NEXMIF: variants seen among roughly 807,000 people sequenced by gnomAD.
NEXMIF encodes the protein neurite extension and migration factor, also known as XLMR protein related to neurite extension.
A neutral mutation model predicts 62.1 loss-of-function variants in NEXMIF; 8 were observed. That is an observed-to-expected ratio of 0.13 (90% confidence interval 0.08 to 0.23). The LOEUF (loss-of-function observed/expected upper bound fraction) is 0.23, where lower values mean the gene tolerates loss of function less well. NEXMIF is among the 10% of genes least tolerant of loss of function. The pLI, the probability that NEXMIF is intolerant of heterozygous loss-of-function variation, is 1.00. For missense variants in NEXMIF, 976 were observed against 1,113.3 expected, an observed-to-expected ratio of 0.88 and a Z score of 1.75; for synonymous variants, 404 against 416.6, an observed-to-expected ratio of 0.97 and a Z score of 0.37.
intron 1 of NEXMIF, among the ~76,000 whole-genome samples, chrX:74,758,410 TA>T (rs1296936758): frequency 5.7e-4 from 63 of 110,388 alleles, no homozygotes; most frequent in African/African-American, 7.6e-4. Flanking sequence ...AAAACTGATT[TA>T]AAAAAAAACT....
chrX:74,806,988 A>G (rs772890405), intron 1 of NEXMIF, among the ~76,000 whole-genome samples: 2 of 111,908 alleles, frequency 1.8e-5, no homozygotes, highest in Admixed American at 9.5e-5. Context: ...CAGCCCTCCA[A>G]TTTTGTTTTT....
chrX:74,849,574 AC>A (rs1450950358), intron 1 of NEXMIF, among the ~76,000 whole-genome samples: 1 of 112,525 alleles, frequency 8.9e-6, no homozygotes, highest in Non-Finnish European at 1.9e-5. Flanking sequence ...GCCAGGCCCC[AC>A]CAGGCTGCAT....
chrX:74,762,463 C>T (rs189853625), intron 1 of NEXMIF, among the ~76,000 whole-genome samples: 72 of 111,414 alleles, frequency 6.5e-4, no homozygotes, highest in East Asian at 1.7e-3. Context: ...ATTTATAATC[C>T]TGTGGGTATA....
At chrX:74,872,717 T>C (rs1423267005) in intron 1 of NEXMIF, among the ~76,000 whole-genome samples, 1 of 109,986 alleles carries the variant, frequency 9.1e-6, no homozygotes, top group Middle Eastern at 4.7e-3. Context: ...CTTGAGGTGA[T>C]GGCTAGCCCA....
At chrX:74,898,787 G>T (rs186230032) in intron 1 of NEXMIF, among the ~76,000 whole-genome samples, 1 of 111,163 alleles carries the variant, frequency 9.0e-6, no homozygotes, top group East Asian at 2.8e-4. Context: ...CAGCAAAGTT[G>T]CAGGATACAA....
intron 1 of NEXMIF, among the ~76,000 whole-genome samples, chrX:74,774,400 G>C (rs1489872898): frequency 1.8e-5 from 2 of 111,658 alleles, no homozygotes; most frequent in Non-Finnish European, 3.8e-5. Context: ...GGGCTGTTGG[G>C]GGCTCAGATG....
intron 1 of NEXMIF, among the ~76,000 whole-genome samples, chrX:74,832,263 T>C (rs1370866913): frequency 8.9e-6 from 1 of 111,884 alleles, no homozygotes; most frequent in African/African-American, 3.2e-5. Context: ...ACTTTTATTA[T>C]GGTTTTGATC....
intron 1 of NEXMIF, among the ~76,000 whole-genome samples, chrX:74,775,487 C>T (rs773558828): frequency 1.8e-5 from 2 of 112,108 alleles, no homozygotes; most frequent in South Asian, 7.5e-4. Context: ...AAAAACATCA[C>T]AGAATCAGTT....
chrX:74,830,962 G>GT (rs1023636105), intron 1 of NEXMIF, among the ~76,000 whole-genome samples: 33 of 101,292 alleles, frequency 3.3e-4, no homozygotes, highest in Middle Eastern at 5.0e-3. Flanking sequence ...TGGCATCGTT[G>GT]TTTTTTTTCA....
chrX:74,894,159 C>T (rs2080726178), intron 1 of NEXMIF, among the ~76,000 whole-genome samples: 1 of 110,156 alleles, frequency 9.1e-6, no homozygotes, highest in Non-Finnish European at 1.9e-5. Flanking sequence ...TATATCTGGG[C>T]ATGGTGGCAC....
At chrX:74,761,479 T>C (rs1279152120) in intron 1 of NEXMIF, among the ~76,000 whole-genome samples, 1 of 111,506 alleles carries the variant, frequency 9.0e-6, no homozygotes, top group Non-Finnish European at 1.9e-5. Flanking sequence ...AATTTATCCA[T>C]CTCTTCTAGG....
chrX:74,910,203 C>T (rs1477147536), intron 1 of NEXMIF, among the ~76,000 whole-genome samples: 1 of 112,313 alleles, frequency 8.9e-6, no homozygotes, highest in Non-Finnish European at 1.9e-5. Flanking sequence ...TCAGTGCCAG[C>T]CTGTGAAAGC....
intron 1 of NEXMIF, chrX:74,769,640 G>C: frequency 1.5e-6 from 1 of 668,112 alleles, no homozygotes; most frequent in South Asian, 2.2e-5. Flanking sequence ...CACGGTATCC[G>C]AACTTTGTAA....
intron 1 of NEXMIF, among the ~76,000 whole-genome samples, chrX:74,803,987 TAGTA>T (rs1305083010): frequency 1.8e-5 from 2 of 111,919 alleles, no homozygotes; most frequent in Admixed American, 1.9e-4. Flanking sequence ...TCACTGATAA[TAGTA>T]AGTATACAGA....
intron 1 of NEXMIF, among the ~76,000 whole-genome samples, chrX:74,824,042 C>G (rs1273061282): frequency 9.0e-6 from 1 of 111,054 alleles, no homozygotes; most frequent in African/African-American, 3.3e-5. Context: ...TCCAGTTGGT[C>G]CTCATACCAT....
chrX:74,763,896 A>T (rs1430782054), intron 1 of NEXMIF, among the ~76,000 whole-genome samples: 1 of 112,015 alleles, frequency 8.9e-6, no homozygotes, highest in East Asian at 2.8e-4. Context: ...GTAGATATAC[A>T]ATCATGTCAT....
At chrX:74,746,515 C>T (rs2147442995) in intron 1 of NEXMIF, among the ~76,000 whole-genome samples, 1 of 111,722 alleles carries the variant, frequency 9.0e-6, no homozygotes, top group South Asian at 3.8e-4. Context: ...CTAGCCCTCC[C>T]CCTGTCCCTA....
At chrX:74,868,291 A>G (rs934149924) in intron 1 of NEXMIF, among the ~76,000 whole-genome samples, 11 of 112,034 alleles carry the variant, frequency 9.8e-5, no homozygotes, top group Non-Finnish European at 1.5e-4. Context: ...TACCCAAAGG[A>G]ATATAAATCA....
chrX:74,836,640 T>A (rs1378502037), intron 1 of NEXMIF, among the ~76,000 whole-genome samples: 1 of 111,729 alleles, frequency 9.0e-6, no homozygotes, highest in Admixed American at 9.4e-5. Flanking sequence ...TACCCTATTG[T>A]GGCTTAGCTG....
Sources: gnomAD v4.1 joint callset for allele counts (sites outside exome capture counted in the v4.1 genomes callset) on GRCh38, gnomAD v4.1.1 for gene constraint, MANE v1.5 for transcripts, NCBI Gene and HGNC (gene_info 2026-07-23, HGNC 2026-07-21) for gene names.